The following CFAP96 variants were observed in gnomAD, a reference collection of about 807,000 sequenced individuals.
CFAP96 encodes the protein cilia and flagella associated protein 96.
chr4:185,428,154 C>G, the CFAP96 span, among the ~76,000 whole-genome samples: 51 of 151,794 alleles, frequency 3.4e-4, no homozygotes, highest in African/African-American at 1.2e-3. Context: ...TGTTTGTTTT[C>G]TTCACTTATG....
the CFAP96 span, among the ~76,000 whole-genome samples, chr4:185,417,529 C>T: frequency 6.6e-6 from 1 of 152,180 alleles, no homozygotes; most frequent in African/African-American, 2.4e-5. Context: ...TCCCTCTTCT[C>T]TATTTCCATA....
At chr4:185,434,478 C>T in the CFAP96 span, among the ~76,000 whole-genome samples, 1 of 151,922 alleles carries the variant, frequency 6.6e-6, no homozygotes, top group Non-Finnish European at 1.5e-5. Flanking sequence ...TAAACTTTGA[C>T]TCATGTGGTA....
chr4:185,439,997 CAT>C, the CFAP96 span, among the ~76,000 whole-genome samples: 87 of 41,806 alleles, frequency 2.1e-3, no homozygotes, highest in Non-Finnish European at 3.1e-3. Context: ...GATATATACA[CAT>C]ATGAGATATA....
At chr4:185,417,540 G>A in the CFAP96 span, among the ~76,000 whole-genome samples, 1 of 152,094 alleles carries the variant, frequency 6.6e-6, no homozygotes, top group African/African-American at 2.4e-5. Flanking sequence ...TATTTCCATA[G>A]CTAGTGGTTT....
the CFAP96 span, chr4:185,425,767 G>C: frequency 3.9e-6 from 6 of 1,533,318 alleles, no homozygotes; most frequent in Middle Eastern, 1.7e-4. Context: ...CTTGGACCCC[G>C]GCAGGACCAG....
the CFAP96 span, chr4:185,408,570 A>C: frequency 1.1e-6 from 1 of 917,792 alleles, no homozygotes. Flanking sequence ...GCCTTCACAG[A>C]TCTATGGTTT....
chr4:185,410,392 G>C, the CFAP96 span, among the ~76,000 whole-genome samples: 1 of 152,210 alleles, frequency 6.6e-6, no homozygotes, highest in African/African-American at 2.4e-5. Flanking sequence ...GCTCATGCCT[G>C]TAATCCCAGC....
chr4:185,413,939 A>G, the CFAP96 span: 24 of 1,398,726 alleles, frequency 1.7e-5, no homozygotes, highest in Non-Finnish European at 2.2e-5. Flanking sequence ...GTCAATAAAT[A>G]AAGATGTTAT....
the CFAP96 span, among the ~76,000 whole-genome samples, chr4:185,449,430 A>G: frequency 1.3e-5 from 2 of 152,068 alleles, no homozygotes; most frequent in Non-Finnish European, 2.9e-5. Flanking sequence ...CCGAGGCAGG[A>G]GGATTGCCTA....
At chr4:185,432,205 A>G in the CFAP96 span, 1 of 1,549,496 alleles carries the variant, frequency 6.5e-7, no homozygotes, top group South Asian at 1.2e-5. Context: ...AAAAGCCGTA[A>G]GTGTTTTTTG....
the CFAP96 span, among the ~76,000 whole-genome samples, chr4:185,422,913 C>T: frequency 6.6e-6 from 1 of 152,112 alleles, no homozygotes. Flanking sequence ...AGCTGGAGTG[C>T]AGTGGCACAA....
At chr4:185,449,621 A>C in the CFAP96 span, 1 of 1,544,878 alleles carries the variant, frequency 6.5e-7, no homozygotes, top group Non-Finnish European at 8.7e-7. Flanking sequence ...GAACTACAAG[A>C]CTTCTTCAGT....
the CFAP96 span, among the ~76,000 whole-genome samples, chr4:185,442,220 T>C: frequency 1.3e-5 from 2 of 152,112 alleles, no homozygotes; most frequent in East Asian, 3.8e-4. Flanking sequence ...AATTATTTTC[T>C]AAAGTTCCAA....
the CFAP96 span, among the ~76,000 whole-genome samples, chr4:185,427,064 CA>C: frequency 0.61 from 82,842 of 135,888 alleles, 26,252 homozygotes; most frequent in East Asian, 0.79. Context: ...GACTCCGTCT[CA>C]AAAAAAAAAA....
the CFAP96 span, chr4:185,429,643 G>T: frequency 3.4e-6 from 2 of 591,630 alleles, no homozygotes; most frequent in Non-Finnish European, 5.7e-6. Flanking sequence ...GTTTGTTAAC[G>T]TGTAAAATTT....
chr4:185,431,580 C>T, the CFAP96 span, among the ~76,000 whole-genome samples: 1 of 152,190 alleles, frequency 6.6e-6, no homozygotes, highest in Admixed American at 6.5e-5. Context: ...GGAATTGCTT[C>T]AATTTGAGTG....
chr4:185,419,789 A>T, the CFAP96 span, among the ~76,000 whole-genome samples: 3 of 152,198 alleles, frequency 2.0e-5, no homozygotes, highest in African/African-American at 7.2e-5. Context: ...CATTGTGTGG[A>T]TACACCAATT....
At chr4:185,440,027 A>G in the CFAP96 span, among the ~76,000 whole-genome samples, 2 of 149,996 alleles carry the variant, frequency 1.3e-5, no homozygotes, top group Admixed American at 6.7e-5. Context: ...TCATATATAC[A>G]TATAATTTTT....
chr4:185,412,784 G>A, the CFAP96 span, among the ~76,000 whole-genome samples: 1 of 152,094 alleles, frequency 6.6e-6, no homozygotes. Flanking sequence ...AGAGACTGAA[G>A]ACACCTGCTA....
Sources: gnomAD v4.1 joint callset for allele counts (sites outside exome capture counted in the v4.1 genomes callset) on GRCh38, gnomAD v4.1.1 for gene constraint, MANE v1.5 for transcripts, NCBI Gene and HGNC (gene_info 2026-07-23, HGNC 2026-07-21) for gene names.